The following SLC12A6 variants were observed in gnomAD, a reference collection of about 807,000 sequenced individuals.
SLC12A6 encodes the protein K-Cl cotransporter 3.
A neutral mutation model predicts 135.3 loss-of-function variants in SLC12A6; 66 were observed. The ratio of observed to expected loss-of-function variants is 0.49; its 90% CI spans 0.40 to 0.60. The LOEUF is 0.60. SLC12A6 is among the 20% of genes least tolerant of loss of function. SLC12A6 has a pLI of 0.00. For synonymous variants in SLC12A6, 513 were observed against 508.8 expected (o/e 1.01, Z -0.11); for missense variants, 1,058 against 1,452.3 (o/e 0.73, Z 4.41).
At chr15:34,306,482 G>C (rs1196229909) in intron 2 of SLC12A6, among the ~76,000 whole-genome samples, 1 of 152,258 alleles carries the variant, frequency 6.6e-6, no homozygotes. Context: ...CCAGGCTCTT[G>C]TCTAGAGGAA....
rs150922818 is a variant in SLC12A6 at position 34,258,828 on chromosome 15, T to C, written c.528A>G (p.Lys176=). 1.1e-4 allele frequency: 178 copies of C among 1,613,758 alleles called. No homozygotes were observed. The African/African-American group carries it at 2.2e-3, about 20-fold the overall frequency. Residue 176 remains lysine, a synonymous_variant, in exon 5 of 26, where the codon AAA becomes AAG. Coordinates refer to ENST00000354181, the MANE Select transcript of SLC12A6 (RefSeq NM_001365088.1). ...HEEAENITEG[K]KKPTKTPQMG... ...GAGGCCTCACCTTGGTGGGCTTCTT[T>C]TTCCCTTCAGTGATGTTTTCTGCCT...
intron 2 of SLC12A6, among the ~76,000 whole-genome samples, chr15:34,332,999 C>G (rs774627316): frequency 6.6e-6 from 1 of 152,004 alleles, no homozygotes; most frequent in Non-Finnish European, 1.5e-5. Flanking sequence ...CTCTATAAGC[C>G]TTAGTTTCCT....
At chr15:34,331,364 C>T (rs766934863) in intron 2 of SLC12A6, among the ~76,000 whole-genome samples, 5 of 152,182 alleles carry the variant, frequency 3.3e-5, no homozygotes, top group African/African-American at 7.2e-5. Context: ...TGGTCTCGAA[C>T]GCCTGGCCTC....
chr15:34,322,908 G>A (rs1225873170), intron 2 of SLC12A6, among the ~76,000 whole-genome samples: 2 of 147,540 alleles, frequency 1.4e-5, no homozygotes, highest in Middle Eastern at 3.6e-3. Context: ...AACCCAGGCA[G>A]GTGGAAGTTG....
chr15:34,278,157 C>T (rs544395268), intron 2 of SLC12A6, among the ~76,000 whole-genome samples: 4 of 152,232 alleles, frequency 2.6e-5, no homozygotes, highest in East Asian at 1.9e-4. Flanking sequence ...CTGGGCGCAG[C>T]GGCTCACGCC....
At chr15:34,273,352 A>AAAAAACC (rs1894091001) in intron 3 of SLC12A6, among the ~76,000 whole-genome samples, 1 of 152,224 alleles carries the variant, frequency 6.6e-6, no homozygotes, top group Non-Finnish European at 1.5e-5. Flanking sequence ...CTCCATCTCA[A>AAAAAACC]AAAAACCAAA....
intron 2 of SLC12A6, among the ~76,000 whole-genome samples, chr15:34,283,346 A>AAAAAAT (rs1182522214): frequency 2.0e-5 from 3 of 146,980 alleles, no homozygotes; most frequent in Non-Finnish European, 3.0e-5. Flanking sequence ...TCTGTCTCGA[A>AAAAAAT]AAAAATAAAA....
chr15:34,290,867 ATG>A (rs1386457370), intron 2 of SLC12A6, among the ~76,000 whole-genome samples: 3 of 152,034 alleles, frequency 2.0e-5, no homozygotes, highest in African/African-American at 7.2e-5. Flanking sequence ...TTTTGAGCCT[ATG>A]TGTGTCTTTG....
chr15:34,271,998 CAG>C (rs1226460471), intron 3 of SLC12A6, among the ~76,000 whole-genome samples: 3 of 151,340 alleles, frequency 2.0e-5, no homozygotes, highest in Non-Finnish European at 4.4e-5. Context: ...TTTTTTGAGA[CAG>C]AGTCTCACTC....
chr15:34,251,134 C>T, intron 10 of SLC12A6, 77 bp from the exon 11 acceptor site: 1 of 1,071,026 alleles, frequency 9.3e-7, no homozygotes, highest in Non-Finnish European at 1.4e-6. Flanking sequence ...CCCAAACATT[C>T]AAAATCAGGC....
At chr15:34,252,688 C>T (rs148886216) in intron 9 of SLC12A6, among the ~76,000 whole-genome samples, 4 of 152,282 alleles carry the variant, frequency 2.6e-5, no homozygotes, top group Non-Finnish European at 5.9e-5. Flanking sequence ...ATACAGTTAT[C>T]TGTCCAAGGT....
chr15:34,303,435 T>C (rs1291983203), intron 2 of SLC12A6, among the ~76,000 whole-genome samples: 2 of 152,196 alleles, frequency 1.3e-5, no homozygotes, highest in African/African-American at 4.8e-5. Context: ...GAATCATATA[T>C]AAACTTTTGA....
chr15:34,248,564 CCACCCA>C (rs1892160030), intron 13 of SLC12A6, among the ~76,000 whole-genome samples: 2 of 63,268 alleles, frequency 3.2e-5, no homozygotes, highest in Non-Finnish European at 7.1e-5. Context: ...ATATACACCC[CCACCCA>C]CACACACACA....
At chr15:34,295,476 G>A (rs953530412) in intron 2 of SLC12A6, among the ~76,000 whole-genome samples, 1 of 152,188 alleles carries the variant, frequency 6.6e-6, no homozygotes. Context: ...GCTAAAAAGA[G>A]TCATGGCGAC....
chr15:34,322,339 C>A (rs1040856249), intron 2 of SLC12A6, among the ~76,000 whole-genome samples: 2 of 151,868 alleles, frequency 1.3e-5, no homozygotes, highest in Non-Finnish European at 2.9e-5. Flanking sequence ...CGGGATCATT[C>A]CACTCCAGCC....
intron 22 of SLC12A6, 132 bp downstream of exon 22, chr15:34,237,287 G>GTT (rs35994446): frequency 0.06 from 31,788 of 526,714 alleles, 43 homozygotes; most frequent in Non-Finnish European, 0.07. Flanking sequence ...GTTTTTTTTT[G>GTT]TTTTTTTTTT....
At chr15:34,258,182 T>G (rs1053653714) in intron 5 of SLC12A6, among the ~76,000 whole-genome samples, 6 of 152,228 alleles carry the variant, frequency 3.9e-5, no homozygotes, top group Non-Finnish European at 5.9e-5. Flanking sequence ...CAGTAGTTAG[T>G]AAATAAATTA....
chr15:34,272,217 C>T lies in SLC12A6; in HGVS notation c.316+3128G>A, dbSNP rs555482416. Among the ~76,000 whole-genome samples the T allele has an allele frequency of 2.6e-5, 4 of 152,328 alleles. No individual in the cohort carries two copies. In the South Asian group the frequency reaches 8.3e-4, roughly 32 times the overall value. ...AACTCCTGACCTTGCGATCCACTTGCTTTGGCCTCCCAAAGTGCTGGGATT... is the reference window on the plus strand; with the variant it reads ...AACTCCTGACCTTGCGATCCACTTGTTTTGGCCTCCCAAAGTGCTGGGATT... On this transcript the variant is annotated intron_variant, in intron 3 of 25. Coordinates refer to ENST00000354181, the MANE Select transcript of SLC12A6 (RefSeq NM_001365088.1).
intron 15 of SLC12A6, 32 bp from the exon 16 acceptor site, chr15:34,244,104 T>G (rs746575334): frequency 1.3e-5 from 15 of 1,153,488 alleles, no homozygotes; most frequent in Non-Finnish European, 1.7e-5. Context: ...GAATGATTAT[T>G]ACTGGAAGAT....
Sources: allele counts gnomAD v4.1 joint callset (sites outside exome capture counted in the v4.1 genomes callset), GRCh38; gene constraint gnomAD v4.1.1; transcripts MANE v1.5; gene names NCBI Gene and HGNC (gene_info 2026-07-23, HGNC 2026-07-21).